Variants in VAMP4 observed in about 807,000 individuals in gnomAD.
The protein encoded by VAMP4 is vesicle associated membrane protein 4, also known as vesicle-associated membrane protein 4.
A neutral mutation model predicts 23.5 loss-of-function variants in VAMP4; 19 were observed. The ratio of observed to expected loss-of-function variants is 0.81; its 90% CI spans 0.56 to 1.19. The LOEUF is 1.19. Among genes scored for constraint, VAMP4 ranks in the 50% most tolerant of loss-of-function variants. The pLI is 0.00. For missense variants in VAMP4, 145 were observed against 168.6 expected (o/e 0.86, Z 0.78); for synonymous variants, 31 against 51.0 (o/e 0.61, Z 1.67).
At chr1:171,719,794 A>T (rs1246799299) in intron 3 of VAMP4, among the ~76,000 whole-genome samples, 1 of 152,004 alleles carries the variant, frequency 6.6e-6, no homozygotes, top group Non-Finnish European at 1.5e-5. Context: ...TTTTAACATT[A>T]CTCAGATTAT....
chr1:171,726,700 T>C (rs1342985391), intron 3 of VAMP4, among the ~76,000 whole-genome samples: 1 of 152,042 alleles, frequency 6.6e-6, no homozygotes, highest in Non-Finnish European at 1.5e-5. Flanking sequence ...GTCAAAACTA[T>C]AAAACTCCTA....
chr1:171,727,342 G>A (rs560836644), intron 3 of VAMP4, among the ~76,000 whole-genome samples: 11 of 150,904 alleles, frequency 7.3e-5, no homozygotes, highest in African/African-American at 1.9e-4. Flanking sequence ...GTAAGAGGAC[G>A]AAAAATAAGC....
At chr1:171,706,274 C>T (rs905014078) in intron 7 of VAMP4, 93 bp downstream of exon 7, 13 of 1,209,074 alleles carry the variant, frequency 1.1e-5, no homozygotes, top group Non-Finnish European at 1.5e-5. Flanking sequence ...ATCCTGACTT[C>T]AGACATACTA....
At position 171,728,561 on chromosome 1, in the gene VAMP4, A is replaced by C; in HGVS notation, c.76T>G (p.Leu26Val). ...TCTTCTTCATCTGAATCATCTTCCA[A>C]AAGATTTCTCTGTCAAAAAAAGAAA... is the stretch of plus-strand genomic sequence containing the variant. ...GSVKSERRNL[L>V]EDDSDEEEDF... Residue 26 changes from leucine (L) to valine (V), a missense_variant, in exon 3 of 8, where the codon TTG becomes GTG. Coordinates refer to ENST00000236192, the MANE Select transcript of VAMP4 (RefSeq NM_003762.5). 1 of 1,557,354 alleles carries C rather than the reference A, an allele frequency of 6.4e-7. No individual in the cohort carries two copies. The highest frequency in any genetic ancestry group is 8.7e-7 in the Non-Finnish European group (1 of 1,153,236).
rs1026141696 is a variant in VAMP4, at chr1:171,702,032, T to C, written c.*2474A>G. On this transcript the variant is annotated 3_prime_UTR_variant, in exon 8 of 8. Coordinates refer to ENST00000236192, the MANE Select transcript of VAMP4 (RefSeq NM_003762.5). ...TTGATCTTCACTTGTTGTTAAATAA[T>C]GATAGTTTTGATGGTGGTAAAACTT... 1 of 152,130 alleles carries C rather than the reference T, an allele frequency of 6.6e-6. No homozygotes were observed. The highest frequency in any genetic ancestry group is 1.5e-5 in the Non-Finnish European group (1 of 67,962). 9.4% of individuals were successfully genotyped at this position (152,130 alleles called of 1,614,324 possible). A position where few individuals can be genotyped will look rare whatever the true frequency, so the allele number is the denominator to read the frequency against.
chr1:171,738,311 G>A, intron 2 of VAMP4, 38 bp downstream of exon 2: 7 of 1,603,714 alleles, frequency 4.4e-6, no homozygotes, highest in Non-Finnish European at 6.0e-6. Flanking sequence ...AACATATTTT[G>A]AATCTTTTGT....
At chr1:171,736,768 G>A (rs1323745807) in intron 2 of VAMP4, among the ~76,000 whole-genome samples, 1 of 152,158 alleles carries the variant, frequency 6.6e-6, no homozygotes, top group Non-Finnish European at 1.5e-5. Context: ...CTTGAGCTCA[G>A]GAATTTGAGA....
At chr1:171,713,144 T>C (rs1420528212) in intron 4 of VAMP4, among the ~76,000 whole-genome samples, 1 of 152,152 alleles carries the variant, frequency 6.6e-6, no homozygotes, top group Non-Finnish European at 1.5e-5. Flanking sequence ...GCTAAATAAA[T>C]GAACAGTTTG....
intron 2 of VAMP4, among the ~76,000 whole-genome samples, chr1:171,736,346 C>T (rs1655740261): frequency 1.3e-5 from 2 of 152,162 alleles, no homozygotes; most frequent in Non-Finnish European, 2.9e-5. Flanking sequence ...CCCTGATCAT[C>T]CTCTGCCTTC....
At chr1:171,708,169 C>T (rs1654720882) in intron 6 of VAMP4, among the ~76,000 whole-genome samples, 1 of 151,486 alleles carries the variant, frequency 6.6e-6, no homozygotes. Flanking sequence ...TGTGGTGGTG[C>T]ATGCCTGTAA....
At chr1:171,707,529 T>C (rs1176030695) in intron 6 of VAMP4, among the ~76,000 whole-genome samples, 1 of 152,060 alleles carries the variant, frequency 6.6e-6, no homozygotes, top group South Asian at 2.1e-4. Context: ...GAAATTACCA[T>C]TATGGAAGTC....
At position 171,706,434 on chromosome 1, in the gene VAMP4, G is replaced by T. The variant is rs1354621258; in HGVS notation, c.346-16C>A. ...TGGCTTTTATCTACAACACACAAAA[G>T]GGCATATATATTAATATTTGACTTG... On this transcript the variant is annotated splice_polypyrimidine_tract_variant and intron_variant, in intron 6 of 7. Transcript: ENST00000236192. 6.3e-7 allele frequency: 1 copy of T among 1,597,842 alleles called. No homozygotes were observed. The highest frequency in any genetic ancestry group is 8.5e-7 in the Non-Finnish European group (1 of 1,172,598).
At position 171,702,889 on chromosome 1, in the gene VAMP4, A is replaced by AGAT. The variant is rs1221434111; in HGVS notation, c.*1614_*1616dup. 6.6e-6 allele frequency: 1 copy of AGAT among 151,972 alleles called. No individual in the cohort carries two copies. 9.4% of individuals were successfully genotyped at this position (151,972 alleles called of 1,614,324 possible). Reference sequence around the variant, plus strand: ...TTAGTAATTCTATTTAGATCTTCTTAGATAACTTGCAGGTGTCTTGAGTGT... The same window carrying AGAT: ...TTAGTAATTCTATTTAGATCTTCTTAGATGATAACTTGCAGGTGTCTTGAGTGT... On this transcript the variant is annotated 3_prime_UTR_variant, in exon 8 of 8. Transcript: ENST00000236192.
At chr1:171,731,048 C>CA (rs11370834) in intron 2 of VAMP4, among the ~76,000 whole-genome samples, 36,854 of 146,134 alleles carry the variant, frequency 0.25, 4,894 homozygotes, top group African/African-American at 0.35. Context: ...ACTAAAAATA[C>CA]AAAAAAACAA....
chr1:171,705,834 AT>A (rs1427486998), intron 7 of VAMP4, among the ~76,000 whole-genome samples: 1 of 152,172 alleles, frequency 6.6e-6, no homozygotes, highest in East Asian at 1.9e-4. Flanking sequence ...TTAAAAGAAC[AT>A]TAAGGGAAAA....
In VAMP4 at chr1:171,728,589, G is replaced by T; in HGVS notation, c.67-19C>A. ...GATTTCTCTGTCAAAAAAAGAAAAA[G>T]ACTTGAGTTTTCAGATTCAGAGGGC... On this transcript the variant is annotated intron_variant, in intron 2 of 7. Coordinates refer to ENST00000236192, the MANE Select transcript of VAMP4 (RefSeq NM_003762.5). The T allele has an allele frequency of 6.4e-7, 1 of 1,558,032 alleles. No individual in the cohort carries two copies. Among genetic ancestry groups the T allele is most frequent in the South Asian group, 1.2e-5 (1 of 83,122 alleles).
At position 171,701,981 on chromosome 1, in the gene VAMP4, T is replaced by C. The variant is rs925601281; in HGVS notation, c.*2525A>G. ...TGATTTCACTGAGTATCAACTAGTATTTGCAAAGCTACTTGAATTTTTCTG... is the reference window on the plus strand; with the variant it reads ...TGATTTCACTGAGTATCAACTAGTACTTGCAAAGCTACTTGAATTTTTCTG... On this transcript the variant is annotated 3_prime_UTR_variant, in exon 8 of 8. Transcript: ENST00000236192. 7.9e-5 allele frequency: 12 copies of C among 152,116 alleles called. No individual in the cohort carries two copies. Among genetic ancestry groups the C allele is most frequent in the African/African-American group, 2.7e-4 (11 of 41,444 alleles). 9.4% of individuals were successfully genotyped at this position (152,116 alleles called of 1,614,324 possible). A position where few individuals can be genotyped will look rare whatever the true frequency, so the allele number is the denominator to read the frequency against.
Position 171,703,127 on chromosome 1 carries a change from T to G in VAMP4, c.*1379A>C, listed in dbSNP as rs560989378. ...CCTATTTAAATACTGATAATTTCTA[T>G]TAACCCTATTTTTAATTTAGGGAGT... On this transcript the variant is annotated 3_prime_UTR_variant, in exon 8 of 8. Coordinates refer to ENST00000236192, the MANE Select transcript of VAMP4 (RefSeq NM_003762.5). 6.6e-6 allele frequency: 1 copy of G among 151,890 alleles called. No individual in the cohort carries two copies. The highest frequency in any genetic ancestry group is 2.4e-5 in the African/African-American group (1 of 41,510). 9.4% of individuals were successfully genotyped at this position (151,890 alleles called of 1,614,324 possible).
At chr1:171,715,063 T>C (rs970319033) in intron 4 of VAMP4, among the ~76,000 whole-genome samples, 3 of 152,068 alleles carry the variant, frequency 2.0e-5, no homozygotes, top group African/African-American at 7.2e-5. Flanking sequence ...TAAGGAAATA[T>C]ATGTCAGAGG....
Sources: allele counts gnomAD v4.1 joint callset (sites outside exome capture counted in the v4.1 genomes callset), GRCh38; gene constraint gnomAD v4.1.1; transcripts MANE v1.5; gene names NCBI Gene and HGNC (gene_info 2026-07-23, HGNC 2026-07-21).